Variants in ATAD2B observed in about 807,000 individuals in gnomAD.
ATAD2B encodes ATPase family AAA domain-containing protein 2B.
A neutral mutation model predicts 167.6 loss-of-function variants in ATAD2B; 40 were observed. The observed-to-expected ratio is 0.24, with a 90% confidence interval of 0.19 to 0.31. ATAD2B has a LOEUF of 0.31. ATAD2B is among the 10% of genes least tolerant of loss of function. The pLI is 1.00. For missense variants in ATAD2B, 1,242 were observed against 1,757.2 expected, an observed-to-expected ratio of 0.71 and a Z score of 5.24; for synonymous variants, 579 against 596.5, an observed-to-expected ratio of 0.97 and a Z score of 0.43.
chr2:23,811,880 CT>C (rs1458188011), intron 17 of ATAD2B, among the ~76,000 whole-genome samples: 1 of 151,916 alleles, frequency 6.6e-6, no homozygotes, highest in Non-Finnish European at 1.5e-5. Flanking sequence ...ACATAAACTT[CT>C]TCCAACACAA....
chr2:23,823,423 C>T lies in ATAD2B; in HGVS notation c.1966G>A (p.Ala656Thr). 1 of 1,613,986 alleles carries T rather than the reference C, an allele frequency of 6.2e-7. No individual in the cohort carries two copies. Among genetic ancestry groups the T allele is most frequent in the Non-Finnish European group, 8.5e-7 (1 of 1,179,886 alleles). Residue 656 changes from alanine (A) to threonine (T), a missense_variant, in exon 16 of 28, where the codon GCA (alanine) becomes ACA (threonine). Physicochemically the swap from Ala to Thr is moderately conservative, Grantham distance 58. Coordinates refer to ENST00000238789, the MANE Select transcript of ATAD2B (RefSeq NM_017552.4). ...IVLSAQDFYH[A>T]MQNIVPASQR... Reference sequence around the variant, plus strand: ...GAAGCAGGCACGATATTCTGCATTGCATGGTAAAAATCTTGGGCACTAAGC... The same window carrying T: ...GAAGCAGGCACGATATTCTGCATTGTATGGTAAAAATCTTGGGCACTAAGC...
chr2:23,734,055 C>A, the ATAD2B span, among the ~76,000 whole-genome samples: 9 of 152,122 alleles, frequency 5.9e-5, no homozygotes, highest in African/African-American at 2.2e-4. Context: ...AACTTATCCT[C>A]AGGGGGGAAA....
intron 23 of ATAD2B, among the ~76,000 whole-genome samples, chr2:23,763,060 T>C (rs1676948165): frequency 6.6e-6 from 1 of 152,210 alleles, no homozygotes; most frequent in African/African-American, 2.4e-5. Flanking sequence ...CCTTACTTCA[T>C]ATCTCCAACT....
At chr2:23,775,805 T>G (rs1208568773) in intron 22 of ATAD2B, among the ~76,000 whole-genome samples, 2 of 152,116 alleles carry the variant, frequency 1.3e-5, no homozygotes, top group Non-Finnish European at 2.9e-5. Context: ...CGATGATGAC[T>G]CCCAACCATA....
the ATAD2B span, among the ~76,000 whole-genome samples, chr2:23,682,882 A>G: frequency 2.2e-5 from 1 of 45,994 alleles, no homozygotes; most frequent in Non-Finnish European, 4.0e-5. This position sits in a 1 kb window ranked among gnomAD's most constrained non-coding sequence, Gnocchi z 4.1. Context: ...TGGCGGGGTC[A>G]GTGATTCGGC....
At chr2:23,739,377 G>C in the ATAD2B span, among the ~76,000 whole-genome samples, 2 of 152,032 alleles carry the variant, frequency 1.3e-5, no homozygotes, top group Non-Finnish European at 2.9e-5. Flanking sequence ...AATCAAACTA[G>C]AACTCAGGAT....
intron 21 of ATAD2B, among the ~76,000 whole-genome samples, chr2:23,784,880 G>C (rs1680587713): frequency 6.6e-6 from 1 of 152,074 alleles, no homozygotes; most frequent in African/African-American, 2.4e-5. Context: ...CTATGATAAT[G>C]AATGTGGGCT....
intron 18 of ATAD2B, among the ~76,000 whole-genome samples, chr2:23,798,673 G>C (rs771392172): frequency 2.6e-5 from 4 of 151,998 alleles, no homozygotes; most frequent in Non-Finnish European, 4.4e-5. Context: ...CAAATAAAGA[G>C]ATAAACATAC....
the ATAD2B span, among the ~76,000 whole-genome samples, chr2:23,699,459 A>G: frequency 6.6e-6 from 1 of 152,350 alleles, no homozygotes; most frequent in East Asian, 1.9e-4. Context: ...GGAACCCGAC[A>G]GAAACACTGA....
chr2:23,807,266 G>C (rs966114993), intron 18 of ATAD2B, among the ~76,000 whole-genome samples: 12 of 150,124 alleles, frequency 8.0e-5, no homozygotes, highest in African/African-American at 3.0e-4. Flanking sequence ...ATTAATAGTA[G>C]TGTGTACACA....
intron 18 of ATAD2B, among the ~76,000 whole-genome samples, chr2:23,804,352 C>G (rs1683989531): frequency 6.6e-6 from 1 of 152,186 alleles, no homozygotes; most frequent in South Asian, 2.1e-4. Flanking sequence ...GGGTGGGTGT[C>G]TGCTATCATG....
At chr2:23,795,606 C>T (rs113522526) in intron 19 of ATAD2B, among the ~76,000 whole-genome samples, 18,200 of 152,072 alleles carry the variant, frequency 0.12, 1,165 homozygotes, top group Middle Eastern at 0.22. Flanking sequence ...GCAGGCTAGG[C>T]GCAGTGGCTC....
the ATAD2B span, among the ~76,000 whole-genome samples, chr2:23,710,569 C>G: frequency 6.6e-6 from 1 of 152,218 alleles, no homozygotes; most frequent in Non-Finnish European, 1.5e-5. Flanking sequence ...GGTGAATCCA[C>G]TCTGAGCATC....
intron 17 of ATAD2B, among the ~76,000 whole-genome samples, chr2:23,816,164 G>A (rs888401286): frequency 3.9e-5 from 6 of 152,158 alleles, no homozygotes; most frequent in Admixed American, 2.0e-4. Flanking sequence ...ATTGACAATG[G>A]TATAAGAAAA....
chr2:23,838,429 A>C (rs934505845), intron 13 of ATAD2B, among the ~76,000 whole-genome samples: 1 of 151,448 alleles, frequency 6.6e-6, no homozygotes, highest in Admixed American at 6.6e-5. Context: ...ATCTAACTTA[A>C]ATTATACCAA....
intron 20 of ATAD2B, 114 bp from the exon 21 acceptor site, chr2:23,786,337 G>T (rs1680806539): frequency 2.3e-6 from 2 of 883,728 alleles, no homozygotes; most frequent in Non-Finnish European, 3.4e-6. Context: ...GTCATGTGTT[G>T]CTTAACAACA....
At chr2:23,790,116 T>C (rs1004384823) in intron 19 of ATAD2B, among the ~76,000 whole-genome samples, 1 of 152,196 alleles carries the variant, frequency 6.6e-6, no homozygotes, top group African/African-American at 2.4e-5. Context: ...ATGGCCTTTC[T>C]TTGAAAGTTC....
chr2:23,842,920 A>T (rs573908875), intron 13 of ATAD2B, among the ~76,000 whole-genome samples: 1 of 152,306 alleles, frequency 6.6e-6, no homozygotes, highest in Admixed American at 6.5e-5. Flanking sequence ...CAGAATCCAG[A>T]GTCTCCAAAA....
intron 1 of ATAD2B, among the ~76,000 whole-genome samples, chr2:23,916,781 C>G (rs531572729): frequency 6.6e-6 from 1 of 152,226 alleles, no homozygotes; most frequent in East Asian, 1.9e-4. Context: ...GCTTTTGGCC[C>G]CTCTCTAAAA....
Sources: allele counts gnomAD v4.1 joint callset (sites outside exome capture counted in the v4.1 genomes callset), GRCh38; gene constraint gnomAD v4.1.1; non-coding constraint Gnocchi (gnomAD v3.1); transcripts MANE v1.5; gene names NCBI Gene and HGNC (gene_info 2026-07-23, HGNC 2026-07-21).